The following SLC25A21 variants were observed in gnomAD, a reference collection of about 807,000 sequenced individuals.
SLC25A21 encodes solute carrier family 25 member 21, also known as mitochondrial 2-oxodicarboxylate carrier.
SLC25A21 carries 47 observed loss-of-function variants against 43.8 expected under a neutral mutation model. That is an observed-to-expected ratio of 1.07 (90% CI 0.85 to 1.37). The LOEUF is 1.37. SLC25A21 is among the 40% of genes most tolerant of loss of function. The probability of loss-of-function intolerance (pLI) is 0.00; values close to 1 mark genes in which losing one functional copy is unlikely to be tolerated. For synonymous variants in SLC25A21, 131 were observed against 121.3 expected (o/e 1.08, Z -0.52); for missense variants, 352 against 350.2 (o/e 1.00, Z -0.04).
chr14:36,965,892 C>T (rs114957990), intron 1 of SLC25A21, among the ~76,000 whole-genome samples: 4,470 of 152,172 alleles, frequency 0.029, 218 homozygotes, highest in African/African-American at 0.1. Flanking sequence ...AATTTGATTG[C>T]TTGTAACACA....
At chr14:36,892,161 A>C (rs908862211) in intron 1 of SLC25A21, among the ~76,000 whole-genome samples, 2 of 152,148 alleles carry the variant, frequency 1.3e-5, no homozygotes, top group Non-Finnish European at 2.9e-5. Flanking sequence ...TGGGAATGTA[A>C]ATTAGTACAG....
At chr14:37,168,076 C>T (rs191428932) in intron 1 of SLC25A21, among the ~76,000 whole-genome samples, 9 of 152,174 alleles carry the variant, frequency 5.9e-5, no homozygotes, top group African/African-American at 2.2e-4. Context: ...GTAGGTGAGG[C>T]CTGGGATCCC....
At chr14:36,838,322 G>A (rs1004421772) in intron 2 of SLC25A21, among the ~76,000 whole-genome samples, 1 of 152,208 alleles carries the variant, frequency 6.6e-6, no homozygotes, top group African/African-American at 2.4e-5. Flanking sequence ...TTATAAAAGA[G>A]CTGTAGTACA....
At chr14:37,114,074 G>A (rs894640156) in intron 1 of SLC25A21, among the ~76,000 whole-genome samples, 12 of 152,066 alleles carry the variant, frequency 7.9e-5, no homozygotes, top group African/African-American at 2.9e-4. Context: ...AGCATGTTCT[G>A]ACATTCCATT....
At chr14:36,682,242 A>G (rs1182563287) in intron 9 of SLC25A21, among the ~76,000 whole-genome samples, 1 of 151,718 alleles carries the variant, frequency 6.6e-6, no homozygotes, top group Admixed American at 6.6e-5. Context: ...CTTAATCTTT[A>G]ACTCAGTGGT....
intron 1 of SLC25A21, among the ~76,000 whole-genome samples, chr14:36,997,819 CAA>C (rs201032859): frequency 3.8e-4 from 46 of 119,680 alleles, no homozygotes; most frequent in African/African-American, 1.2e-3. Context: ...GACTCTGTCT[CAA>C]AAAAAAAAAA....
chr14:37,043,738 T>C (rs972964473), intron 1 of SLC25A21, among the ~76,000 whole-genome samples: 2 of 151,892 alleles, frequency 1.3e-5, no homozygotes, highest in African/African-American at 4.8e-5. Flanking sequence ...CCCATTCTTT[T>C]TTTGTTTTGT....
intron 1 of SLC25A21, among the ~76,000 whole-genome samples, chr14:37,051,930 C>T (rs568259887): frequency 2.0e-5 from 3 of 152,240 alleles, no homozygotes; most frequent in Admixed American, 1.3e-4. Flanking sequence ...AGACGGCAGC[C>T]GGCGGGCACA....
chr14:37,094,322 G>A (rs1421475999), intron 1 of SLC25A21, among the ~76,000 whole-genome samples: 1 of 152,136 alleles, frequency 6.6e-6, no homozygotes, highest in Non-Finnish European at 1.5e-5. Context: ...ACACAAAAAG[G>A]TGCCTTACAC....
At chr14:36,708,063 G>C (rs1218413768) in intron 7 of SLC25A21, among the ~76,000 whole-genome samples, 1 of 152,148 alleles carries the variant, frequency 6.6e-6, no homozygotes. Flanking sequence ...AAAGGTGGAG[G>C]CTCCAGTGAA....
intron 1 of SLC25A21, among the ~76,000 whole-genome samples, chr14:37,025,337 T>C (rs1273927861): frequency 1.3e-5 from 2 of 152,080 alleles, no homozygotes; most frequent in African/African-American, 2.4e-5. Context: ...ATAACATAAA[T>C]GAAAGAACTC....
chr14:36,734,134 C>T (rs7150429), intron 4 of SLC25A21, among the ~76,000 whole-genome samples: 4,802 of 152,184 alleles, frequency 0.032, 247 homozygotes, highest in African/African-American at 0.11. Flanking sequence ...AGTTTTCCCT[C>T]CTCTCCTCTT....
At chr14:36,804,254 G>A (rs181774401) in intron 3 of SLC25A21, among the ~76,000 whole-genome samples, 1 of 152,236 alleles carries the variant, frequency 6.6e-6, no homozygotes, top group Admixed American at 6.5e-5. Context: ...TCAGCCAACT[G>A]AGATGAGATA....
intron 3 of SLC25A21, among the ~76,000 whole-genome samples, chr14:36,742,612 T>A (rs1016750786): frequency 3.9e-5 from 6 of 152,084 alleles, no homozygotes; most frequent in African/African-American, 7.2e-5. Flanking sequence ...AAACCACATA[T>A]CTTTTAGAGG....
At chr14:37,107,629 C>T (rs1405980992) in intron 1 of SLC25A21, among the ~76,000 whole-genome samples, 2 of 152,088 alleles carry the variant, frequency 1.3e-5, no homozygotes, top group Non-Finnish European at 2.9e-5. Flanking sequence ...TCATTCAATC[C>T]ATATCATAGC....
intron 1 of SLC25A21, among the ~76,000 whole-genome samples, chr14:37,164,320 G>T: frequency 6.6e-6 from 1 of 151,910 alleles, no homozygotes; most frequent in South Asian, 2.1e-4. Flanking sequence ...CGAGCAATAG[G>T]GTTGCTTCCT....
At chr14:36,711,685 G>A (rs1883879620) in intron 6 of SLC25A21, among the ~76,000 whole-genome samples, 1 of 152,140 alleles carries the variant, frequency 6.6e-6, no homozygotes, top group Non-Finnish European at 1.5e-5. Flanking sequence ...AGGCTTTATA[G>A]AAAAGATTGT....
intron 1 of SLC25A21, among the ~76,000 whole-genome samples, chr14:36,914,894 T>A (rs1037965990): frequency 2.6e-5 from 4 of 152,116 alleles, no homozygotes; most frequent in African/African-American, 9.7e-5. Flanking sequence ...AAACTGAAAG[T>A]TGATTTCAAA....
chr14:36,742,985 GAAAT>G (rs1415370108), intron 3 of SLC25A21, among the ~76,000 whole-genome samples: 1 of 152,104 alleles, frequency 6.6e-6, no homozygotes, highest in Non-Finnish European at 1.5e-5. Context: ...GGGTGCAACT[GAAAT>G]AAACTACAAC....
Sources: allele counts gnomAD v4.1 joint callset (sites outside exome capture counted in the v4.1 genomes callset), GRCh38; gene constraint gnomAD v4.1.1; transcripts MANE v1.5; gene names NCBI Gene and HGNC (gene_info 2026-07-23, HGNC 2026-07-21).